Variants in TTLL5 observed in about 807,000 individuals in gnomAD.
TTLL5 encodes the protein tubulin tyrosine ligase like 5.
A neutral mutation model predicts 168.4 loss-of-function variants in TTLL5; 132 were observed. The observed-to-expected ratio is 0.78, with a 90% confidence interval of 0.68 to 0.91. The LOEUF (loss-of-function observed/expected upper bound fraction) is 0.91, where lower values mean the gene tolerates loss of function less well. Ranked by LOEUF, TTLL5 falls within the 40% of genes least tolerant of loss-of-function variation. The probability of loss-of-function intolerance (pLI) is 0.00; values close to 1 mark genes in which losing one functional copy is unlikely to be tolerated. For synonymous variants in TTLL5, 546 were observed against 558.6 expected (o/e 0.98, Z 0.32); for missense variants, 1,545 against 1,581.5 (o/e 0.98, Z 0.39).
chr14:75,875,152 C>G (rs11629080), intron 29 of TTLL5, among the ~76,000 whole-genome samples: 1 of 148,558 alleles, frequency 6.7e-6, no homozygotes, highest in South Asian at 2.2e-4. Context: ...CCAGGATGGT[C>G]TCGATCTCCT....
chr14:75,935,973 G>A (rs2034422997), intron 31 of TTLL5, among the ~76,000 whole-genome samples: 1 of 152,140 alleles, frequency 6.6e-6, no homozygotes, highest in Non-Finnish European at 1.5e-5. Flanking sequence ...TTGAAGAAAT[G>A]ACACTTAAGT....
intron 29 of TTLL5, among the ~76,000 whole-genome samples, chr14:75,875,083 A>G (rs11629014): frequency 0.88 from 132,458 of 150,148 alleles, 58,530 homozygotes; most frequent in South Asian, 0.92. Context: ...ACAGGTGCCC[A>G]CCACAACGCC....
chr14:75,923,420 C>T (rs2033897628), intron 31 of TTLL5, among the ~76,000 whole-genome samples: 1 of 152,076 alleles, frequency 6.6e-6, no homozygotes, highest in South Asian at 2.1e-4. Flanking sequence ...TCTTTGTTCT[C>T]GTTGGTTTCA....
At chr14:75,750,335 G>A (rs1056435785) in intron 17 of TTLL5, among the ~76,000 whole-genome samples, 16 of 151,378 alleles carry the variant, frequency 1.1e-4, no homozygotes, top group Non-Finnish European at 2.1e-4. Context: ...GATTATCAGC[G>A]GAGGATACCT....
chr14:75,870,746 T>C (rs1347513784), intron 29 of TTLL5, among the ~76,000 whole-genome samples: 2 of 152,098 alleles, frequency 1.3e-5, no homozygotes, highest in East Asian at 1.9e-4. Context: ...TGTCTACAAA[T>C]GTGACTACCA....
chr14:75,706,747 CTTAT>C (rs537009993), intron 7 of TTLL5, among the ~76,000 whole-genome samples: 2,028 of 151,070 alleles, frequency 0.013, 38 homozygotes, highest in African/African-American at 0.044. Flanking sequence ...GGCTATTAGG[CTTAT>C]TTATTTATTT....
At chr14:75,662,326 G>GT (rs1192923683) in intron 1 of TTLL5, among the ~76,000 whole-genome samples, 5 of 148,692 alleles carry the variant, frequency 3.4e-5, no homozygotes, top group African/African-American at 1.2e-4. Flanking sequence ...GGGGTTTTTT[G>GT]TTGTTTTTTT....
chr14:75,746,595 T>TG (rs1246452193), intron 17 of TTLL5, among the ~76,000 whole-genome samples: 1 of 150,834 alleles, frequency 6.6e-6, no homozygotes, highest in African/African-American at 2.4e-5. Context: ...CTCACTTTGT[T>TG]GCCCAGACTG....
chr14:75,883,109 T>TA (rs2031906906), intron 30 of TTLL5, among the ~76,000 whole-genome samples: 3 of 152,346 alleles, frequency 2.0e-5, no homozygotes, highest in Admixed American at 2.0e-4. Flanking sequence ...GGCAGGGCTT[T>TA]ACCCTGTGGG....
intron 31 of TTLL5, among the ~76,000 whole-genome samples, chr14:75,907,421 T>G (rs1244232508): frequency 1.3e-5 from 2 of 152,194 alleles, no homozygotes; most frequent in Non-Finnish European, 2.9e-5. Context: ...CCTTTCCTCT[T>G]TGTTCTGCCC....
At chr14:75,691,631 G>A (rs1885468256) in intron 6 of TTLL5, among the ~76,000 whole-genome samples, 1 of 152,204 alleles carries the variant, frequency 6.6e-6, no homozygotes, top group African/African-American at 2.4e-5. Context: ...CAGCGTGCAT[G>A]CAATGACCAT....
At chr14:75,906,807 C>G in intron 31 of TTLL5, 2 of 834,270 alleles carry the variant, frequency 2.4e-6, no homozygotes, top group Non-Finnish European at 2.9e-6. Context: ...GCTTTATAAA[C>G]CAAAACTTAG....
At position 75,902,247 on chromosome 14, in the gene TTLL5, G is replaced by A. The variant is rs1430562009; in HGVS notation, c.3823+23G>A. On this transcript the variant is annotated intron_variant, in intron 31 of 31. Transcript: ENST00000298832. Reference sequence around the variant, plus strand: ...CAGGTTAGTGGGCACCAGCTCTTCTGCAACTGGATAGATGACAGGGAAGGT... The same window carrying A: ...CAGGTTAGTGGGCACCAGCTCTTCTACAACTGGATAGATGACAGGGAAGGT... 5.0e-6 allele frequency: 8 copies of A among 1,612,178 alleles called. No individual in the cohort carries two copies. In the Middle Eastern group the frequency reaches 4.9e-4, roughly 99 times the overall value.
chr14:75,853,306 C>T (rs1896970196), intron 28 of TTLL5, among the ~76,000 whole-genome samples: 1 of 152,200 alleles, frequency 6.6e-6, no homozygotes, highest in African/African-American at 2.4e-5. Flanking sequence ...GCTAGCTCCC[C>T]TTGATTCTGC....
intron 15 of TTLL5, among the ~76,000 whole-genome samples, chr14:75,742,438 C>T (rs1368926431): frequency 6.6e-6 from 1 of 152,100 alleles, no homozygotes; most frequent in African/African-American, 2.4e-5. Context: ...TCTTGTCACC[C>T]AGGCTGGAGT....
intron 28 of TTLL5, among the ~76,000 whole-genome samples, chr14:75,829,073 T>C (rs1227230656): frequency 6.6e-6 from 1 of 152,214 alleles, no homozygotes; most frequent in African/African-American, 2.4e-5. Flanking sequence ...GCTTAATTAT[T>C]GAATAGGAAG....
chr14:75,887,049 G>A, intron 30 of TTLL5: 2 of 1,247,584 alleles, frequency 1.6e-6, no homozygotes, highest in Non-Finnish European at 2.0e-6. Flanking sequence ...TTTACCCTGG[G>A]CTTAGGTGAT....
At chr14:75,810,504 A>T (rs921328177) in intron 27 of TTLL5, among the ~76,000 whole-genome samples, 23 of 152,138 alleles carry the variant, frequency 1.5e-4, no homozygotes, top group Non-Finnish European at 3.2e-4. Flanking sequence ...AGTAGCTAGG[A>T]CTACAGGCAT....
chr14:75,869,840 G>GATGGAGTCTCACTCTGTTGACC (rs2030873969), intron 29 of TTLL5, among the ~76,000 whole-genome samples: 2 of 2,714 alleles, frequency 7.4e-4, no homozygotes, highest in South Asian at 0.026. Flanking sequence ...TTTTTTTTGC[G>GATGGAGTCTCACTCTGTTGACC]ATGGAGTCTC....
Sources: gnomAD v4.1 joint callset for allele counts (sites outside exome capture counted in the v4.1 genomes callset) on GRCh38, gnomAD v4.1.1 for gene constraint, MANE v1.5 for transcripts, NCBI Gene and HGNC (gene_info 2026-07-23, HGNC 2026-07-21) for gene names.